CNTLN: variants seen among roughly 807,000 people sequenced by gnomAD.
The protein encoded by CNTLN is centlein.
A neutral mutation model predicts 180.0 loss-of-function variants in CNTLN; 212 were observed. The observed-to-expected ratio is 1.18, with a 90% CI of 1.05 to 1.32. The LOEUF (loss-of-function observed/expected upper bound fraction) is 1.32, where lower values mean the gene tolerates loss of function less well. Among genes scored for constraint, CNTLN ranks in the 40% most tolerant of loss-of-function variants. CNTLN has a pLI of 0.00. For synonymous variants in CNTLN, 722 were observed against 563.1 expected (o/e 1.28, Z -3.99); for missense variants, 2,095 against 1,610.9 (o/e 1.30, Z -5.14).
At position 17,484,311 on chromosome 9, in the gene CNTLN, T is replaced by C. The variant is rs766019710; in HGVS notation, c.3872T>C (p.Leu1291Ser). Reference sequence around the variant, plus strand: ...ATGTTACAGGCTTTGGCCAAAGAGTTGCAAAATGATGTCCATGTGGTAAGG... The same window carrying C: ...ATGTTACAGGCTTTGGCCAAAGAGTCGCAAAATGATGTCCATGTGGTAAGG... Reference protein sequence around the residue: ...TTFVKALAKELQNDVHVVRRQ... With the variant: ...TTFVKALAKESQNDVHVVRRQ... Residue 1291 changes from leucine (L) to serine (S), a missense_variant, in exon 24 of 26, where the codon TTG becomes TCG. Transcript: ENST00000380647. 1 of 1,599,046 alleles carries C rather than the reference T, an allele frequency of 6.3e-7. No individual in the cohort carries two copies. The highest frequency in any genetic ancestry group is 1.4e-5 in the African/African-American group (1 of 73,548).
At chr9:17,254,473 CT>C (rs1826348445) in intron 5 of CNTLN, among the ~76,000 whole-genome samples, 1 of 129,446 alleles carries the variant, frequency 7.7e-6, no homozygotes, top group Non-Finnish European at 1.7e-5. Context: ...TTTTTTTTTT[CT>C]TTTGTGTGTA....
chr9:17,269,311 C>G (rs1235358750), intron 5 of CNTLN, among the ~76,000 whole-genome samples: 1 of 151,936 alleles, frequency 6.6e-6, no homozygotes, highest in Non-Finnish European at 1.5e-5. Flanking sequence ...ACTTTTGGTT[C>G]AATTTGTTCT....
chr9:17,466,224 A>T, intron 22 of CNTLN, 106 bp downstream of exon 22: 1 of 915,462 alleles, frequency 1.1e-6, no homozygotes. Flanking sequence ...AGCTACTTAA[A>T]CACTTCAGAT....
chr9:17,390,156 T>C (rs1825984593), intron 14 of CNTLN, among the ~76,000 whole-genome samples: 1 of 151,546 alleles, frequency 6.6e-6, no homozygotes, highest in African/African-American at 2.4e-5. Flanking sequence ...TACTTTATTA[T>C]GGCAAACCTA....
At chr9:17,180,755 T>G (rs927094151) in intron 2 of CNTLN, among the ~76,000 whole-genome samples, 1 of 152,138 alleles carries the variant, frequency 6.6e-6, no homozygotes, top group African/African-American at 2.4e-5. Context: ...ATTTCCCCCC[T>G]CCTATTTTTT....
chr9:17,309,389 A>G (rs532505340), intron 8 of CNTLN, 137 bp downstream of exon 8: 2 of 629,786 alleles, frequency 3.2e-6, no homozygotes, highest in East Asian at 5.7e-5. Context: ...TTTGCATTAT[A>G]CTGTTTTTAT....
At chr9:17,342,564 A>G (rs1821568814) in intron 12 of CNTLN, 120 bp downstream of exon 12, 3 of 901,432 alleles carry the variant, frequency 3.3e-6, no homozygotes, top group South Asian at 2.1e-5. Flanking sequence ...TTTTGCCAAT[A>G]AAAGTAAAGA....
intron 18 of CNTLN, among the ~76,000 whole-genome samples, chr9:17,421,455 C>T (rs1436696241): frequency 1.3e-5 from 2 of 152,018 alleles, no homozygotes; most frequent in East Asian, 3.9e-4. Flanking sequence ...AGTCCATGTG[C>T]ATCTTTATAG....
intron 18 of CNTLN, among the ~76,000 whole-genome samples, chr9:17,417,720 T>A (rs937782668): frequency 2.0e-5 from 3 of 152,042 alleles, no homozygotes; most frequent in Non-Finnish European, 4.4e-5. Flanking sequence ...GCATACACTA[T>A]GAGAAAAATA....
intron 7 of CNTLN, chr9:17,301,107 T>A (rs642582): frequency 0.14 from 137,756 of 984,940 alleles, 10,214 homozygotes; most frequent in South Asian, 0.27. Flanking sequence ...ATACCAGTAA[T>A]ACTTTGCTGA....
In CNTLN at chr9:17,299,357, A is replaced by T. The variant is rs55677423; in HGVS notation, c.1146+1005A>T. ...TATATAGTGTTATTCTCATTTAATGATAGTAGTTGAGGCAAGTGAGGCTTA... is the reference window on the plus strand; with the variant it reads ...TATATAGTGTTATTCTCATTTAATGTTAGTAGTTGAGGCAAGTGAGGCTTA... On this transcript the variant is annotated intron_variant, in intron 7 of 25. Coordinates refer to ENST00000380647, the MANE Select transcript of CNTLN (RefSeq NM_017738.4). 9.5e-4 allele frequency: 495 copies of T among 521,134 alleles called. 4 individuals carry two copies. The African/African-American group carries it at 9.9e-3, about 10-fold the overall frequency. 32.3% of individuals were successfully genotyped at this position (521,134 alleles called of 1,614,324 possible).
chr9:17,149,984 A>C (rs201412397), intron 2 of CNTLN, among the ~76,000 whole-genome samples: 2 of 152,036 alleles, frequency 1.3e-5, no homozygotes, highest in African/African-American at 4.8e-5. Flanking sequence ...ATCCTTTGCC[A>C]ATTTTTTGAT....
Position 17,211,571 on chromosome 9 carries a change from G to C in CNTLN, c.450-14632G>C, listed in dbSNP as rs541948679. On this transcript the variant is annotated intron_variant, in intron 2 of 25. Transcript: ENST00000380647. Reference sequence around the variant, plus strand: ...TTGGTTCCATGTGAACTTTAAAGTAGTTTTTTCCAATTCTGTGAAGAAAGT... The same window carrying C: ...TTGGTTCCATGTGAACTTTAAAGTACTTTTTTCCAATTCTGTGAAGAAAGT... Among the ~76,000 whole-genome samples, 4 of 152,210 alleles carry C rather than the reference G, an allele frequency of 2.6e-5. No individual in the cohort carries two copies. In the South Asian group the frequency reaches 8.3e-4, roughly 32 times the overall value.
intron 18 of CNTLN, among the ~76,000 whole-genome samples, chr9:17,429,321 C>G (rs2133970933): frequency 6.6e-6 from 1 of 152,068 alleles, no homozygotes; most frequent in Non-Finnish European, 1.5e-5. Flanking sequence ...GTGATAGATT[C>G]AAGAATTGTT....
intron 2 of CNTLN, among the ~76,000 whole-genome samples, chr9:17,161,019 A>G (rs2131585953): frequency 6.6e-6 from 1 of 152,306 alleles, no homozygotes; most frequent in Non-Finnish European, 1.5e-5. Flanking sequence ...GAGACAATTT[A>G]TAATAAGAAT....
chr9:17,302,127 C>G (rs1476771353), intron 7 of CNTLN: 1 of 960,700 alleles, frequency 1.0e-6, no homozygotes, highest in Admixed American at 6.3e-5. Context: ...CACAGACACA[C>G]ACACACTGAC....
At chr9:17,427,826 C>A (rs1829186605) in intron 18 of CNTLN, among the ~76,000 whole-genome samples, 1 of 152,126 alleles carries the variant, frequency 6.6e-6, no homozygotes, top group African/African-American at 2.4e-5. Flanking sequence ...TCTCAGATTT[C>A]CAAATTTGGC....
chr9:17,514,509 G>A, the CNTLN span, among the ~76,000 whole-genome samples: 1 of 151,840 alleles, frequency 6.6e-6, no homozygotes, highest in Non-Finnish European at 1.5e-5. Context: ...CATAAGTGAT[G>A]GTATGAAACA....
intron 13 of CNTLN, among the ~76,000 whole-genome samples, chr9:17,372,623 C>G (rs1370092979): frequency 6.6e-6 from 1 of 152,106 alleles, no homozygotes; most frequent in Non-Finnish European, 1.5e-5. Context: ...CAAACTCATT[C>G]TACAAGGCCA....
Sources: allele counts gnomAD v4.1 joint callset (sites outside exome capture counted in the v4.1 genomes callset), GRCh38; gene constraint gnomAD v4.1.1; transcripts MANE v1.5; gene names NCBI Gene and HGNC (gene_info 2026-07-23, HGNC 2026-07-21).